The following SLC18A1 variants were observed in gnomAD, a reference collection of about 807,000 sequenced individuals.
The protein encoded by SLC18A1 is solute carrier family 18 member A1.
Under a neutral mutation model 53.7 loss-of-function variants are expected in SLC18A1, and 69 were observed. The ratio of observed to expected loss-of-function variants is 1.28; its 90% CI spans 1.06 to 1.57. The LOEUF is 1.57. SLC18A1 is among the 40% of genes most tolerant of loss of function. The probability of loss-of-function intolerance (pLI) is 0.00; values close to 1 mark genes in which losing one functional copy is unlikely to be tolerated. For missense variants in SLC18A1, 932 were observed against 668.1 expected (o/e 1.40, Z -4.35); for synonymous variants, 320 against 248.1 (o/e 1.29, Z -2.72).
intron 4 of SLC18A1, among the ~76,000 whole-genome samples, chr8:20,176,293 A>C (rs1335887230): frequency 6.6e-6 from 1 of 152,092 alleles, no homozygotes; most frequent in Non-Finnish European, 1.5e-5. Context: ...TCATCTCTGC[A>C]CAGCCAGCTC....
At chr8:20,148,568 G>A in intron 12 of SLC18A1, 1 of 831,620 alleles carries the variant, frequency 1.2e-6, no homozygotes. Flanking sequence ...TTAGCTGTAA[G>A]CTAGAGGGGG....
rs190274401 is a variant in SLC18A1, at chr8:20,154,602, C to A, written c.1016-3858G>T. ...GGAAAACAATGTTCACAGAAAACATCTGGGTCTCAGTAGGGCAAGAAGATG... is the reference window on the plus strand; with the variant it reads ...GGAAAACAATGTTCACAGAAAACATATGGGTCTCAGTAGGGCAAGAAGATG... On this transcript the variant is annotated intron_variant, in intron 10 of 15. Transcript: ENST00000276373. 2.0e-5 allele frequency among the ~76,000 whole-genome samples: 3 copies of A among 152,296 alleles called. No homozygotes were observed. The South Asian group carries it at 6.2e-4, about 32-fold the overall frequency.
chr8:20,166,569 G>A (rs1374220844), intron 8 of SLC18A1, among the ~76,000 whole-genome samples: 1 of 151,656 alleles, frequency 6.6e-6, no homozygotes, highest in African/African-American at 2.4e-5. Flanking sequence ...TGAGTGGTAG[G>A]GGTGGGAGAG....
At chr8:20,166,164 T>G (rs970314339) in intron 8 of SLC18A1, among the ~76,000 whole-genome samples, 5 of 151,622 alleles carry the variant, frequency 3.3e-5, no homozygotes, top group Non-Finnish European at 7.4e-5. Context: ...CATGCAGTCA[T>G]GCAAATTACA....
chr8:20,180,181 T>A (rs1324743593), intron 2 of SLC18A1, among the ~76,000 whole-genome samples: 1 of 151,682 alleles, frequency 6.6e-6, no homozygotes, highest in Non-Finnish European at 1.5e-5. Context: ...ACTAATTCAG[T>A]GTTTGCAGCG....
intron 4 of SLC18A1, among the ~76,000 whole-genome samples, chr8:20,178,073 A>T (rs767510256): frequency 4.6e-5 from 7 of 151,926 alleles, no homozygotes; most frequent in Non-Finnish European, 7.4e-5. Context: ...TGCTTCTCAT[A>T]GATGGAAAGT....
At chr8:20,174,626 AT>A (rs2072211871) in intron 4 of SLC18A1, among the ~76,000 whole-genome samples, 182 bp from the exon 5 acceptor site, 1 of 152,144 alleles carries the variant, frequency 6.6e-6, no homozygotes, top group African/African-American at 2.4e-5. Flanking sequence ...CAGTTTTGCT[AT>A]TTAAATGGCA....
intron 10 of SLC18A1, among the ~76,000 whole-genome samples, chr8:20,158,434 G>T (rs1393579876): frequency 3.9e-5 from 6 of 152,156 alleles, no homozygotes; most frequent in Non-Finnish European, 8.8e-5. Context: ...CCTGTTTGTT[G>T]TGCCCTGCTT....
At chr8:20,163,404 T>C (rs1224973799) in intron 10 of SLC18A1, among the ~76,000 whole-genome samples, 1 of 152,134 alleles carries the variant, frequency 6.6e-6, no homozygotes. Context: ...TTAAATAACT[T>C]ATCCGAGGTC....
chr8:20,182,945 C>T (rs188095879), intron 1 of SLC18A1, 118 bp downstream of exon 1: 27 of 152,256 alleles, frequency 1.8e-4, no homozygotes, highest in African/African-American at 6.3e-4. Flanking sequence ...CAAAAACAAA[C>T]AAAACCAGGA....
rs966957445 is a variant in SLC18A1 at position 20,153,541 on chromosome 8, G to C, written c.1016-2797C>G. Among the ~76,000 whole-genome samples the C allele has an allele frequency of 2.0e-5, 3 of 152,132 alleles. No homozygotes were observed. The South Asian group carries it at 6.2e-4, about 31-fold the overall frequency. ...AAAATACAAAAAATTAGCTGGGCAT[G>C]GTGGCAGGTACCTGTAGTCCCAGCT... On this transcript the variant is annotated intron_variant, in intron 10 of 15. Coordinates refer to ENST00000276373, the MANE Select transcript of SLC18A1 (RefSeq NM_003053.4).
At chr8:20,145,919 CAT>C in intron 15 of SLC18A1, 43 bp from the exon 16 acceptor site, 1 of 1,127,352 alleles carries the variant, frequency 8.9e-7, no homozygotes, top group Non-Finnish European at 1.3e-6. Context: ...ACATTATTAT[CAT>C]TTTTTTTTTT....
At position 20,180,922 on chromosome 8, in the gene SLC18A1, C is replaced by T. The variant is rs370660691; in HGVS notation, c.43G>A (p.Glu15Lys). The change falls in exon 2 of 16, where the codon GAG becomes AAG. Residue 15 changes from glutamate (E) to lysine (K), a missense_variant. By Grantham distance (56) the Glu-to-Lys change is moderately conservative. Transcript: ENST00000276373. ...ILDAPQRLLK[E>K]GRASRQLVLV... Reference sequence around the variant, plus strand: ...ACCAGCTGCCGGGACGCTCTCCCCTCCTTCAGCAACCGCTGGGGAGCATCC... The same window carrying T: ...ACCAGCTGCCGGGACGCTCTCCCCTTCTTCAGCAACCGCTGGGGAGCATCC... The T allele has an allele frequency of 6.2e-7, 1 of 1,606,430 alleles. No individual in the cohort carries two copies. Among genetic ancestry groups the T allele is most frequent in the South Asian group, 1.1e-5 (1 of 89,876 alleles).
At chr8:20,150,453 C>G (rs1478570543) in intron 11 of SLC18A1, among the ~76,000 whole-genome samples, 1 of 152,202 alleles carries the variant, frequency 6.6e-6, no homozygotes, top group African/African-American at 2.4e-5. Flanking sequence ...ACTGCCTCTT[C>G]TATAACAATC....
At position 20,147,327 on chromosome 8, in the gene SLC18A1, C is replaced by A. The variant is rs1256686986; in HGVS notation, c.1395G>T (p.Gly465=). 2 of 1,613,456 alleles carry A rather than the reference C, an allele frequency of 1.2e-6. No individual in the cohort carries two copies. The highest frequency in any genetic ancestry group is 2.7e-5 in the African/African-American group (2 of 74,886). Residue 465 remains glycine (G), a synonymous_variant, in exon 15 of 16, where the codon GGG becomes GGT. Transcript: ENST00000276373. The part of the protein sequence containing the change: ...IGFPWLMVIT[G]VINIVYAPLC... Reference sequence around the variant, plus strand: ...GTGGAGCATAGACGATGTTGATGACCCCAGTGATGACCATGAGCCAGGGAA... The same window carrying A: ...GTGGAGCATAGACGATGTTGATGACACCAGTGATGACCATGAGCCAGGGAA...
intron 5 of SLC18A1, among the ~76,000 whole-genome samples, chr8:20,173,485 C>T (rs10094232): frequency 2.0e-5 from 3 of 152,024 alleles, no homozygotes; most frequent in African/African-American, 7.3e-5. Context: ...TCTAGGCACA[C>T]AGAGACCATT....
rs374798341 is a variant in SLC18A1 at position 20,167,133 on chromosome 8, C to CAA, written c.859-2028_859-2027dup. 7.7e-3 allele frequency among the ~76,000 whole-genome samples: 1,006 copies of CAA among 131,384 alleles called. 13 individuals carry two copies. Among genetic ancestry groups the CAA allele is most frequent in the African/African-American group, 0.027 (954 of 35,972 alleles). The allele number at this position is 131,384 out of a possible 152,430, so 86.2% of individuals were successfully genotyped here. On this transcript the variant is annotated intron_variant, in intron 8 of 15. Transcript: ENST00000276373. ...GAGAAAAAAAACTAAAACTAAATGC[C>CAA]AAAAAAAAAAAACCCCACAAATGGA...
At chr8:20,151,107 G>A (rs772889559) in intron 10 of SLC18A1, 2 of 206,872 alleles carry the variant, frequency 9.7e-6, no homozygotes, top group Non-Finnish European at 9.8e-6. Flanking sequence ...AAGTGGCTGG[G>A]ATTACAGATG....
chr8:20,176,463 G>A (rs2072254373), intron 4 of SLC18A1, among the ~76,000 whole-genome samples: 1 of 152,154 alleles, frequency 6.6e-6, no homozygotes, highest in Admixed American at 6.5e-5. Context: ...AATGCTAAAT[G>A]GACTAAGACA....
Sources: allele counts gnomAD v4.1 joint callset (sites outside exome capture counted in the v4.1 genomes callset), GRCh38; gene constraint gnomAD v4.1.1; transcripts MANE v1.5; gene names NCBI Gene and HGNC (gene_info 2026-07-23, HGNC 2026-07-21).